ATP8A2: variants seen among roughly 807,000 people sequenced by gnomAD.
ATP8A2 encodes the protein ATPase phospholipid transporting 8A2, also known as phospholipid-transporting ATPase IB.
ATP8A2 carries 100 observed loss-of-function variants against 165.6 expected under a neutral mutation model. The ratio of observed to expected loss-of-function variants is 0.60; its 90% confidence interval spans 0.51 to 0.71. ATP8A2 has a LOEUF of 0.71. Ranked by LOEUF, ATP8A2 falls within the 30% of genes least tolerant of loss-of-function variation. The pLI, the probability that ATP8A2 is intolerant of heterozygous loss-of-function variation, is 0.00. For missense variants in ATP8A2, 1,227 were observed against 1,479.5 expected (o/e 0.83, Z 2.80); for synonymous variants, 543 against 548.8 (o/e 0.99, Z 0.15).
At chr13:25,952,336 C>T (rs9578942) in intron 33 of ATP8A2, among the ~76,000 whole-genome samples, 3,152 of 151,688 alleles carry the variant, frequency 0.021, 117 homozygotes, top group African/African-American at 0.07. Context: ...GGCAAATTAG[C>T]GTGGGCTCAC....
chr13:25,885,802 A>G (rs909898868), intron 33 of ATP8A2, among the ~76,000 whole-genome samples: 1 of 152,186 alleles, frequency 6.6e-6, no homozygotes, highest in African/African-American at 2.4e-5. Context: ...GCTTGTTTTC[A>G]TGCATTACTC....
At chr13:25,695,130 A>G (rs950962873) in intron 24 of ATP8A2, among the ~76,000 whole-genome samples, 9 of 141,078 alleles carry the variant, frequency 6.4e-5, no homozygotes, top group Non-Finnish European at 9.3e-5. Flanking sequence ...AAGTCACACT[A>G]TCTTTTTTTT....
At chr13:25,557,162 C>T (rs927346646) in intron 13 of ATP8A2, among the ~76,000 whole-genome samples, 3 of 152,086 alleles carry the variant, frequency 2.0e-5, no homozygotes, top group Non-Finnish European at 4.4e-5. Flanking sequence ...TAATTTTTGT[C>T]TTTATCTTTC....
At chr13:25,449,412 T>C (rs145851147) in intron 1 of ATP8A2, among the ~76,000 whole-genome samples, 1 of 152,338 alleles carries the variant, frequency 6.6e-6, no homozygotes, top group African/African-American at 2.4e-5. Context: ...CTTTCTACTA[T>C]TGATTTGTGA....
At chr13:25,381,407 A>G (rs1201802056) in intron 1 of ATP8A2, among the ~76,000 whole-genome samples, 3 of 152,222 alleles carry the variant, frequency 2.0e-5, no homozygotes, top group Non-Finnish European at 2.9e-5. Flanking sequence ...AAAAGAGAAG[A>G]AGTCTGAATA....
Position 25,891,990 on chromosome 13 carries a change from C to CTTTTCTTTTTTTT in ATP8A2, c.3183+29586_3183+29587insCTTTTTTTTTTTT, listed in dbSNP as rs1555286004. 4.6e-3 allele frequency among the ~76,000 whole-genome samples: 659 copies of CTTTTCTTTTTTTT among 142,666 alleles called. 10 individuals are homozygous for CTTTTCTTTTTTTT. Among genetic ancestry groups the CTTTTCTTTTTTTT allele is most frequent in the African/African-American group, 0.016 (643 of 39,006 alleles). 93.6% of individuals were successfully genotyped at this position (142,666 alleles called of 152,430 possible). On this transcript the variant is annotated intron_variant, in intron 33 of 36. Transcript: ENST00000381655. ...GATGTATGACCTTCAAAGCCTTTTT[C>CTTTTCTTTTTTTT]TTTTTTTTTTTTTGGAGATGGAGTC...
At chr13:25,853,396 A>ATATATATATAT (rs59573616) in intron 30 of ATP8A2, among the ~76,000 whole-genome samples, 1,384 of 107,708 alleles carry the variant, frequency 0.013, 27 homozygotes, top group African/African-American at 0.018. Context: ...ATCTAAAAAA[A>ATATATATATAT]ATATATATAT....
intron 23 of ATP8A2, among the ~76,000 whole-genome samples, chr13:25,583,704 A>C (rs1231509218): frequency 6.6e-6 from 1 of 152,212 alleles, no homozygotes; most frequent in Non-Finnish European, 1.5e-5. Context: ...CCCAGAAAAC[A>C]CAAATGGATT....
intron 1 of ATP8A2, among the ~76,000 whole-genome samples, chr13:25,401,639 T>A (rs2033639384): frequency 6.6e-6 from 1 of 152,170 alleles, no homozygotes; most frequent in African/African-American, 2.4e-5. Flanking sequence ...GAAAAAGCAG[T>A]AGATGTGTCC....
At position 25,972,143 on chromosome 13, in the gene ATP8A2, T is replaced by C. The variant is rs543356465; in HGVS notation, c.3377+3464T>C. 2.0e-5 allele frequency among the ~76,000 whole-genome samples: 3 copies of C among 152,356 alleles called. No homozygotes were observed. The South Asian group carries it at 6.2e-4, about 32-fold the overall frequency. On this transcript the variant is annotated intron_variant, in intron 35 of 36. Transcript: ENST00000381655. ...AACCCTCTTGTACCAAATTTACAAT[T>C]ACAATTTTGAAATGGTAGCCAGGGA...
In ATP8A2 at chr13:25,840,583, A is replaced by G. The variant is rs533513230; in HGVS notation, c.2956+959A>G. Among the ~76,000 whole-genome samples, 12 of 152,308 alleles carry G rather than the reference A, an allele frequency of 7.9e-5. No homozygotes were observed. The South Asian group carries it at 2.5e-3, about 32-fold the overall frequency. On this transcript the variant is annotated intron_variant, in intron 30 of 36. Transcript: ENST00000381655. ...ATAAGTCTTTAAATCAGAGAATACAATTTTATGCTTTCTAGCCCCACCCCA... is the reference window on the plus strand; with the variant it reads ...ATAAGTCTTTAAATCAGAGAATACAGTTTTATGCTTTCTAGCCCCACCCCA...
intron 33 of ATP8A2, among the ~76,000 whole-genome samples, chr13:25,951,671 C>G (rs1955365978): frequency 6.6e-6 from 1 of 152,102 alleles, no homozygotes; most frequent in African/African-American, 2.4e-5. Context: ...GATGTATATG[C>G]TTGTTAAGAG....
At chr13:25,902,122 A>G (rs1358452453) in intron 33 of ATP8A2, among the ~76,000 whole-genome samples, 4 of 152,216 alleles carry the variant, frequency 2.6e-5, no homozygotes, top group Non-Finnish European at 4.4e-5. Flanking sequence ...GGACAATGAA[A>G]AAGTTCACTG....
chr13:25,435,932 AG>A (rs2034751584), intron 1 of ATP8A2, among the ~76,000 whole-genome samples: 1 of 75,778 alleles, frequency 1.3e-5, no homozygotes, highest in African/African-American at 4.2e-5. Context: ...TGTGTGTGTG[AG>A]TGTGTGTGTG....
rs191820319 is a variant in ATP8A2, at chr13:25,533,416, G to A, written c.507+103G>A. On this transcript the variant is annotated intron_variant, in intron 6 of 36. Coordinates refer to ENST00000381655, the MANE Select transcript of ATP8A2 (RefSeq NM_016529.6). Reference sequence around the variant, plus strand: ...TAAAGTTTCTGTTAGACACAGTAGAGTTTTCCATGAGGTCTGCTGAGACCT... The same window carrying A: ...TAAAGTTTCTGTTAGACACAGTAGAATTTTCCATGAGGTCTGCTGAGACCT... 23 of 668,392 alleles carry A rather than the reference G, an allele frequency of 3.4e-5. No homozygotes were observed. In the East Asian group the frequency reaches 5.3e-4, roughly 15 times the overall value. 41.4% of individuals were successfully genotyped at this position (668,392 alleles called of 1,614,324 possible). A position where few individuals can be genotyped will look rare whatever the true frequency, so the allele number is the denominator to read the frequency against.
At chr13:25,903,752 G>A (rs985680357) in intron 33 of ATP8A2, among the ~76,000 whole-genome samples, 2 of 152,120 alleles carry the variant, frequency 1.3e-5, no homozygotes, top group East Asian at 3.9e-4. Context: ...TCAGTGGACC[G>A]ACATCGACAC....
chr13:25,597,995 A>G (rs1452852818), intron 24 of ATP8A2, among the ~76,000 whole-genome samples: 1 of 151,962 alleles, frequency 6.6e-6, no homozygotes, highest in Non-Finnish European at 1.5e-5. Context: ...GTTTACTTCC[A>G]GGAGTTTTGT....
Position 25,854,193 on chromosome 13 carries a change from A to G in ATP8A2, c.2957-6002A>G, listed in dbSNP as rs528332922. ...ATGAATCATTTGGTACCAAGTTTTC[A>G]TATGTCTTCCTGTATTCATATGACC... On this transcript the variant is annotated intron_variant, in intron 30 of 36. Transcript: ENST00000381655. 5.8e-4 allele frequency among the ~76,000 whole-genome samples: 88 copies of G among 152,242 alleles called. No homozygotes were observed. The South Asian group carries it at 7.9e-3, about 14-fold the overall frequency.
At chr13:25,610,138 C>T (rs2040643728) in intron 24 of ATP8A2, among the ~76,000 whole-genome samples, 1 of 151,816 alleles carries the variant, frequency 6.6e-6, no homozygotes, top group South Asian at 2.1e-4. Flanking sequence ...ATCTATTTAT[C>T]TTTGTTTTTG....
Sources: gnomAD v4.1 joint callset for allele counts (sites outside exome capture counted in the v4.1 genomes callset) on GRCh38, gnomAD v4.1.1 for gene constraint, MANE v1.5 for transcripts, NCBI Gene and HGNC (gene_info 2026-07-23, HGNC 2026-07-21) for gene names.